VWA8: variants seen among roughly 807,000 people sequenced by gnomAD.
VWA8 encodes von Willebrand factor A domain containing 8.
Under a neutral mutation model 241.5 loss-of-function variants are expected in VWA8, and 221 were observed. The observed-to-expected ratio is 0.91, with a 90% CI of 0.82 to 1.02. The LOEUF (loss-of-function observed/expected upper bound fraction) is 1.02, where lower values mean the gene tolerates loss of function less well. Ranked by LOEUF, VWA8 falls within the 50% of genes least tolerant of loss-of-function variation. The pLI, the probability that VWA8 is intolerant of heterozygous loss-of-function variation, is 0.00. For missense variants in VWA8, 2,322 were observed against 2,328.7 expected, an observed-to-expected ratio of 1.00 and a Z score of 0.06; for synonymous variants, 852 against 827.1, an observed-to-expected ratio of 1.03 and a Z score of -0.52.
Position 41,632,712 on chromosome 13 carries a change from C to T in VWA8, c.4612-17628G>A, listed in dbSNP as rs114477145. On this transcript the variant is annotated intron_variant, in intron 37 of 44. Transcript: ENST00000379310. ...CACAATAATGCTTATGAATCCACTG[C>T]CTACTGATGTTTACCCTGAGTTTTT... Among the ~76,000 whole-genome samples the T allele has an allele frequency of 4.0e-3, 604 of 152,304 alleles. 7 individuals carry two copies. The highest frequency in any genetic ancestry group is 0.013 in the African/African-American group (545 of 41,560).
intron 21 of VWA8, among the ~76,000 whole-genome samples, chr13:41,756,520 A>AT (rs540946062): frequency 5.5e-4 from 84 of 151,688 alleles, no homozygotes; most frequent in Non-Finnish European, 1.1e-3. Context: ...TTGAGAGCTG[A>AT]TTTTAATTTC....
chr13:41,788,573 A>G (rs1158728194), intron 17 of VWA8, among the ~76,000 whole-genome samples: 1 of 152,226 alleles, frequency 6.6e-6, no homozygotes, highest in Non-Finnish European at 1.5e-5. Flanking sequence ...GCATGAAGTC[A>G]GACTTTGCTG....
At chr13:41,581,412 GCTTT>G (rs1405847578) in intron 42 of VWA8, among the ~76,000 whole-genome samples, 1 of 152,130 alleles carries the variant, frequency 6.6e-6, no homozygotes, top group African/African-American at 2.4e-5. Context: ...TAACACAATG[GCTTT>G]CTAATTCTTC....
chr13:41,719,992 G>C (rs891632195), intron 25 of VWA8, among the ~76,000 whole-genome samples: 1 of 151,918 alleles, frequency 6.6e-6, no homozygotes, highest in Non-Finnish European at 1.5e-5. Flanking sequence ...TCAAATGTTA[G>C]AGCAGTGCCT....
At chr13:41,854,453 AT>A (rs35229178) in intron 12 of VWA8, among the ~76,000 whole-genome samples, 2 of 149,750 alleles carry the variant, frequency 1.3e-5, no homozygotes, top group South Asian at 2.1e-4. Flanking sequence ...ATTTCAAAAT[AT>A]TTTTTATTGT....
At chr13:41,903,437 C>G (rs1367866887) in intron 4 of VWA8, among the ~76,000 whole-genome samples, 1 of 151,942 alleles carries the variant, frequency 6.6e-6, no homozygotes, top group East Asian at 1.9e-4. Flanking sequence ...AACATGGGAG[C>G]AGGGAAATAG....
intron 43 of VWA8, among the ~76,000 whole-genome samples, chr13:41,571,310 C>CCTCCCTCTCCCTCTCCCGT (rs1308977670): frequency 1.9e-3 from 201 of 107,512 alleles, no homozygotes; most frequent in East Asian, 4.6e-3. Context: ...CCCTCTCCCT[C>CCTCCCTCTCCCTCTCCCGT]CTCCCTCTCC....
chr13:41,888,714 T>C (rs1399935068), intron 5 of VWA8, among the ~76,000 whole-genome samples: 2 of 152,260 alleles, frequency 1.3e-5, no homozygotes, highest in African/African-American at 2.4e-5. Context: ...CATTTGCTTC[T>C]ATACATGACT....
At chr13:41,768,062 G>A (rs1440845731) in intron 20 of VWA8, among the ~76,000 whole-genome samples, 1 of 152,198 alleles carries the variant, frequency 6.6e-6, no homozygotes, top group Admixed American at 6.5e-5. Context: ...GTTTGAGAAG[G>A]AACAAAAAAT....
At chr13:41,724,197 G>A (rs908871709) in intron 24 of VWA8, among the ~76,000 whole-genome samples, 13 of 152,164 alleles carry the variant, frequency 8.5e-5, no homozygotes, top group African/African-American at 2.9e-4. Context: ...CAGTTTCTGT[G>A]GAGTAATGGG....
intron 1 of VWA8, among the ~76,000 whole-genome samples, chr13:41,952,614 C>T (rs769871925): frequency 1.3e-5 from 2 of 152,166 alleles, no homozygotes; most frequent in Non-Finnish European, 2.9e-5. Flanking sequence ...ATAAGAAAAA[C>T]GTTTTCAGGC....
At chr13:41,893,459 A>AT (rs963518911) in intron 4 of VWA8, among the ~76,000 whole-genome samples, 3 of 148,838 alleles carry the variant, frequency 2.0e-5, no homozygotes, top group Admixed American at 6.6e-5. Flanking sequence ...TAGAAGCTTT[A>AT]TTTAAAAAAA....
intron 2 of VWA8, among the ~76,000 whole-genome samples, chr13:41,945,540 GACA>G (rs879343936): frequency 1.3e-5 from 2 of 152,094 alleles, no homozygotes; most frequent in African/African-American, 4.8e-5. Flanking sequence ...AAAGAAGTAT[GACA>G]ACAACGTCTC....
At chr13:41,833,052 C>T (rs976349856) in intron 13 of VWA8, among the ~76,000 whole-genome samples, 1 of 151,992 alleles carries the variant, frequency 6.6e-6, no homozygotes, top group Non-Finnish European at 1.5e-5. Flanking sequence ...GAAACTTCAG[C>T]AATGTGACAT....
At chr13:41,728,064 C>A (rs2045450983) in intron 23 of VWA8, among the ~76,000 whole-genome samples, 1 of 152,032 alleles carries the variant, frequency 6.6e-6, no homozygotes. Flanking sequence ...TTTATTTAAA[C>A]CCCACCCTTA....
Position 41,713,310 on chromosome 13 carries a change from T to C in VWA8, c.3116+6281A>G, listed in dbSNP as rs567535639. On this transcript the variant is annotated intron_variant, in intron 26 of 44. Transcript: ENST00000379310. ...GTTAGAAAATTAAAATATTACTAAA[T>C]GTGATGCATCCTTTTCTCTTTCTAG... Among the ~76,000 whole-genome samples the C allele has an allele frequency of 1.2e-4, 18 of 152,322 alleles. No homozygotes were observed. The East Asian group carries it at 2.3e-3, about 20-fold the overall frequency.
In VWA8 at chr13:41,728,133, G is replaced by T. The variant is rs1026875396; in HGVS notation, c.2639-820C>A. On this transcript the variant is annotated intron_variant, in intron 23 of 44. Coordinates refer to ENST00000379310, the MANE Select transcript of VWA8 (RefSeq NM_015058.2). The stretch of plus-strand genomic sequence containing the variant: ...GTACCTACAGCTTTATTTGAGATGA[G>T]TTTGGAAGAGCCTACTCTCATTTTT... 6.7e-5 allele frequency among the ~76,000 whole-genome samples: 10 copies of T among 149,934 alleles called. 1 individual carries two copies. The highest frequency in any genetic ancestry group is 1.3e-4 in the Non-Finnish European group (9 of 67,088).
chr13:41,926,793 G>C lies in VWA8; in HGVS notation c.242-14625C>G, dbSNP rs980444932. 20 of 551,316 alleles carry C rather than the reference G, an allele frequency of 3.6e-5. No individual in the cohort carries two copies. In the Middle Eastern group the frequency reaches 1.2e-3, roughly 34 times the overall value. The allele number at this position is 551,316 out of a possible 1,614,324, so 34.2% of individuals were successfully genotyped here. On this transcript the variant is annotated intron_variant, in intron 2 of 44. Coordinates refer to ENST00000379310, the MANE Select transcript of VWA8 (RefSeq NM_015058.2). The stretch of plus-strand genomic sequence containing the variant: ...GTAGAAGAACTTGAGAAAGCCCTGG[G>C]GGGTAAAGCTGCCAGAAACTAACCT...
chr13:41,596,682 A>G (rs2044490269), intron 40 of VWA8, among the ~76,000 whole-genome samples: 1 of 151,974 alleles, frequency 6.6e-6, no homozygotes, highest in Non-Finnish European at 1.5e-5. Context: ...AAAGAAATAT[A>G]ATTTTATTAC....
Sources: allele counts gnomAD v4.1 joint callset (sites outside exome capture counted in the v4.1 genomes callset), GRCh38; gene constraint gnomAD v4.1.1; transcripts MANE v1.5; gene names NCBI Gene and HGNC (gene_info 2026-07-23, HGNC 2026-07-21).